ANAPC1: variants seen among roughly 807,000 people sequenced by gnomAD.
The protein encoded by ANAPC1 is anaphase-promoting complex subunit 1.
A neutral mutation model predicts 208.0 loss-of-function variants in ANAPC1; 36 were observed. The ratio of observed to expected loss-of-function variants is 0.17; its 90% confidence interval spans 0.13 to 0.23. The LOEUF (loss-of-function observed/expected upper bound fraction) is 0.23, where lower values mean the gene tolerates loss of function less well. Ranked by LOEUF, ANAPC1 falls within the 10% of genes least tolerant of loss-of-function variation. ANAPC1 has a pLI of 1.00. For missense variants in ANAPC1, 942 were observed against 2,011.6 expected (o/e 0.47, Z 10.17); for synonymous variants, 378 against 695.2 (o/e 0.54, Z 7.18).
At chr2:111,883,376 G>A (rs1000092760) in intron 1 of ANAPC1, among the ~76,000 whole-genome samples, 2 of 151,924 alleles carry the variant, frequency 1.3e-5, no homozygotes, top group Non-Finnish European at 2.9e-5. Context: ...ATTTTGTACC[G>A]ATTAATGCCA....
Position 111,825,166 on chromosome 2 carries a change from G to T in ANAPC1, c.2706C>A (p.Ala902=). ...SSQYLTRITI[A]PQKLQVEQEE... Reference sequence around the variant, plus strand: ...CTTGTTCTACTTGCAACTTCTGGGGGGCTAAAAGGCAACAAAATGAAACTT... The same window carrying T: ...CTTGTTCTACTTGCAACTTCTGGGGTGCTAAAAGGCAACAAAATGAAACTT... The change falls in exon 23 of 48, where the codon GCC becomes GCA. Residue 902 remains alanine, a splice_region_variant and synonymous_variant. Coordinates refer to ENST00000341068, the MANE Select transcript of ANAPC1 (RefSeq NM_022662.4). 1 of 1,610,068 alleles carries T rather than the reference G, an allele frequency of 6.2e-7. No homozygotes were observed.
chr2:111,881,329 G>A (rs968040018), intron 1 of ANAPC1, among the ~76,000 whole-genome samples: 7 of 152,114 alleles, frequency 4.6e-5, no homozygotes, highest in African/African-American at 9.7e-5. Flanking sequence ...TTCATCAGAG[G>A]TTGAACTGCT....
chr2:111,862,574 T>G lies in ANAPC1; in HGVS notation c.1077A>C (p.Gly359=). Reference sequence around the variant, plus strand: ...TTTGCACCCCTGAAAAAGAGTGCACTCCTAACGCAGGAGAATGAGCACGAC... The same window carrying G: ...TTTGCACCCCTGAAAAAGAGTGCACGCCTAACGCAGGAGAATGAGCACGAC... The part of the protein sequence containing the change: ...ALSRAHSPAL[G]VHSFSGVQRF... Residue 359 remains glycine (G), a synonymous_variant, in exon 10 of 48, where the codon GGA becomes GGC. Transcript: ENST00000341068. The G allele has an allele frequency of 6.2e-7, 1 of 1,610,834 alleles. No homozygotes were observed. The highest frequency in any genetic ancestry group is 1.1e-5 in the South Asian group (1 of 90,886).
intron 1 of ANAPC1, among the ~76,000 whole-genome samples, chr2:111,882,721 G>C (rs529423327): frequency 1.4e-5 from 2 of 146,074 alleles, no homozygotes; most frequent in Non-Finnish European, 3.0e-5. Context: ...TGGGGGACAA[G>C]AGCAAAACTC....
At chr2:111,787,569 C>T (rs1357629112) in intron 39 of ANAPC1, among the ~76,000 whole-genome samples, 1 of 152,212 alleles carries the variant, frequency 6.6e-6, no homozygotes, top group Non-Finnish European at 1.5e-5. Flanking sequence ...GAGCACAGGG[C>T]TCAGGTGTCT....
In ANAPC1 at chr2:111,784,206, T is replaced by C. The variant is rs1229683535; in HGVS notation, c.4995+117A>G. 3.3e-6 allele frequency: 5 copies of C among 1,498,482 alleles called. No homozygotes were observed. The East Asian group carries it at 9.1e-5, about 27-fold the overall frequency. The allele number at this position is 1,498,482 out of a possible 1,614,324, so 92.8% of individuals were successfully genotyped here. On this transcript the variant is annotated intron_variant, in intron 41 of 47. Transcript: ENST00000341068. ...TTCTGACTTTTCCTCCTGCTGCAGC[T>C]TTCTTATCTGCTACAATACATGAAG...
intron 24 of ANAPC1, among the ~76,000 whole-genome samples, chr2:111,823,111 GCCATTCTCCTGCCTC>G (rs1558692367): frequency 6.6e-5 from 9 of 135,812 alleles, no homozygotes; most frequent in African/African-American, 2.5e-4. Flanking sequence ...CCGGGTTCAC[GCCATTCTCCTGCCTC>G]AGCCTCCCGA....
At chr2:111,835,144 T>C (rs925964989) in intron 18 of ANAPC1, among the ~76,000 whole-genome samples, 1 of 152,100 alleles carries the variant, frequency 6.6e-6, no homozygotes, top group Non-Finnish European at 1.5e-5. Flanking sequence ...TTATACTATT[T>C]AGGTAGAGAT....
At chr2:111,770,383 C>G (rs1315021936) in intron 47 of ANAPC1, among the ~76,000 whole-genome samples, 1 of 140,496 alleles carries the variant, frequency 7.1e-6, no homozygotes, top group African/African-American at 2.8e-5. Context: ...TCTTCCTTTT[C>G]CTTTTAGTAG....
chr2:111,860,917 A>G (rs773515793), intron 10 of ANAPC1, among the ~76,000 whole-genome samples: 4 of 150,084 alleles, frequency 2.7e-5, no homozygotes, highest in Non-Finnish European at 4.4e-5. Context: ...TAATTCTTCA[A>G]TTCTAATCTA....
intron 13 of ANAPC1, among the ~76,000 whole-genome samples, chr2:111,854,144 ATG>A (rs1681568373): frequency 6.6e-6 from 1 of 152,146 alleles, no homozygotes; most frequent in Non-Finnish European, 1.5e-5. Context: ...TGCAGAACAG[ATG>A]TGTCAGCAGG....
At position 111,831,846 on chromosome 2, in the gene ANAPC1, A is replaced by ACAG. The variant is rs4019125; in HGVS notation, c.2477-413_2477-412insCTG. Among the ~76,000 whole-genome samples, 7 of 88,262 alleles carry ACAG rather than the reference A, an allele frequency of 7.9e-5. 1 individual carries two copies. The South Asian group carries it at 2.9e-3, about 37-fold the overall frequency. 57.9% of individuals were successfully genotyped at this position (88,262 alleles called of 152,430 possible). A position where few individuals can be genotyped will look rare whatever the true frequency, so the allele number is the denominator to read the frequency against. On this transcript the variant is annotated intron_variant, in intron 20 of 47. Transcript: ENST00000341068. ...TGTCTCAAAAAAAAAAAAAAAAAAA[A>ACAG]GAATAACGTTTTTCCATATTCTCCA...
At chr2:111,843,125 C>T (rs1490688768) in intron 17 of ANAPC1, among the ~76,000 whole-genome samples, 2 of 152,120 alleles carry the variant, frequency 1.3e-5, no homozygotes, top group Non-Finnish European at 2.9e-5. Context: ...AAAACCAAGA[C>T]TATCACTAAT....
chr2:111,862,714 C>G, intron 9 of ANAPC1, 116 bp from the exon 10 acceptor site: 2 of 1,388,180 alleles, frequency 1.4e-6, no homozygotes, highest in Non-Finnish European at 1.9e-6. Context: ...ATGGCATAAT[C>G]CAGGTCAGAA....
chr2:111,856,543 G>A, intron 13 of ANAPC1, 71 bp downstream of exon 13: 5 of 1,416,724 alleles, frequency 3.5e-6, no homozygotes, highest in Non-Finnish European at 4.9e-6. Flanking sequence ...TCAATCTAAA[G>A]TAACATTACA....
chr2:111,865,888 C>A, intron 7 of ANAPC1: 1 of 252,014 alleles, frequency 4.0e-6, no homozygotes, highest in South Asian at 5.1e-5. Flanking sequence ...CCGACGTGTG[C>A]CCAAGGACAA....
chr2:111,841,991 C>T (rs1680790029), intron 17 of ANAPC1, among the ~76,000 whole-genome samples: 1 of 152,180 alleles, frequency 6.6e-6, no homozygotes, highest in Admixed American at 6.5e-5. Flanking sequence ...GAACCCCTTT[C>T]CAAACATTAC....
chr2:111,843,936 T>C (rs1437363666), intron 16 of ANAPC1, among the ~76,000 whole-genome samples: 2 of 148,394 alleles, frequency 1.3e-5, no homozygotes, highest in Non-Finnish European at 3.0e-5. Context: ...GCGATTCTCC[T>C]ACCTCAGCCA....
At chr2:111,792,846 G>C (rs1186769061) in intron 37 of ANAPC1, among the ~76,000 whole-genome samples, 1 of 152,106 alleles carries the variant, frequency 6.6e-6, no homozygotes, top group Non-Finnish European at 1.5e-5. Context: ...CCAGCTGCTC[G>C]GGAGGCTGAG....
Sources: allele counts gnomAD v4.1 joint callset (sites outside exome capture counted in the v4.1 genomes callset), GRCh38; gene constraint gnomAD v4.1.1; transcripts MANE v1.5; gene names NCBI Gene and HGNC (gene_info 2026-07-23, HGNC 2026-07-21).